Variants in KANK1 observed in about 807,000 individuals in gnomAD.
The protein encoded by KANK1 is KN motif and ankyrin repeat domains 1.
Under a neutral mutation model 106.2 loss-of-function variants are expected in KANK1, and 109 were observed. That is an observed-to-expected ratio of 1.03 (90% CI 0.88 to 1.20). The LOEUF (loss-of-function observed/expected upper bound fraction) is 1.20. Ranked by LOEUF, KANK1 falls within the 50% of genes most tolerant of loss-of-function variation. The probability of loss-of-function intolerance (pLI) is 0.00; values close to 1 mark genes in which losing one functional copy is unlikely to be tolerated. For synonymous variants in KANK1, 873 were observed against 652.2 expected (o/e 1.34, Z -5.16); for missense variants, 2,399 against 1,710.7 (o/e 1.40, Z -7.10).
intron 1 of KANK1, among the ~76,000 whole-genome samples, chr9:536,592 G>A (rs562550656): frequency 6.6e-5 from 10 of 152,222 alleles, no homozygotes; most frequent in African/African-American, 2.4e-4. Flanking sequence ...CATTTCTTCT[G>A]GCTCCTCTTA....
Position 731,177 on chromosome 9 carries a change from T to G in KANK1, c.2916T>G (p.Ser972Arg). ...AGLYACTNNE[S>R]TLKSIMKKKD... ...TCACAGCATGTACAAACAATGAAAG[T>G]ACACTGAAGTCCATCATGAAGAAGA... is the stretch of plus-strand genomic sequence containing the variant. The change falls in exon 5 of 12, where the codon AGT becomes AGG. Residue 972 changes from serine (S) to arginine (R), a missense_variant. Physicochemically the swap from Ser to Arg is moderately radical, Grantham distance 110. Transcript: ENST00000382297. 1 of 1,608,024 alleles carries G rather than the reference T, an allele frequency of 6.2e-7. No individual in the cohort carries two copies. The highest frequency in any genetic ancestry group is 8.5e-7 in the Non-Finnish European group (1 of 1,175,038).
At chr9:605,965 A>G (rs1466329140) in intron 1 of KANK1, among the ~76,000 whole-genome samples, 4 of 151,736 alleles carry the variant, frequency 2.6e-5, no homozygotes, top group African/African-American at 9.7e-5. Flanking sequence ...CTCCCTTCCC[A>G]TTAGAATAGG....
intron 1 of KANK1, among the ~76,000 whole-genome samples, chr9:539,321 C>A (rs1436721906): frequency 6.6e-6 from 1 of 152,194 alleles, no homozygotes; most frequent in African/African-American, 2.4e-5. Context: ...AGTATTAAAT[C>A]TGTAGGTCAC....
chr9:512,069 A>G (rs2132860652), intron 1 of KANK1, among the ~76,000 whole-genome samples: 1 of 152,218 alleles, frequency 6.6e-6, no homozygotes, highest in South Asian at 2.1e-4. Flanking sequence ...CTCAGCAATG[A>G]CTGTTGAGCA....
intron 1 of KANK1, among the ~76,000 whole-genome samples, chr9:581,688 G>C (rs1428073155): frequency 6.6e-6 from 1 of 152,122 alleles, no homozygotes; most frequent in Non-Finnish European, 1.5e-5. Flanking sequence ...ATTATTCTTG[G>C]ATTTCTTTCC....
At chr9:702,465 G>A (rs373710588) in intron 2 of KANK1, among the ~76,000 whole-genome samples, 5 of 152,142 alleles carry the variant, frequency 3.3e-5, no homozygotes, top group African/African-American at 7.2e-5. Flanking sequence ...ACAGTGCATG[G>A]TAAATAGTAA....
At chr9:596,763 A>G (rs2135719058) in intron 1 of KANK1, among the ~76,000 whole-genome samples, 1 of 151,872 alleles carries the variant, frequency 6.6e-6, no homozygotes, top group East Asian at 1.9e-4. Flanking sequence ...ATAATATAAC[A>G]ATAGGCAGTT....
intron 3 of KANK1, among the ~76,000 whole-genome samples, chr9:479,834 G>T (rs2058171878): frequency 6.6e-6 from 1 of 152,074 alleles, no homozygotes; most frequent in Non-Finnish European, 1.5e-5. Flanking sequence ...GTTTTCAGAA[G>T]CCAATATTCT....
chr9:589,385 C>T (rs559533892), intron 1 of KANK1, among the ~76,000 whole-genome samples: 2 of 152,158 alleles, frequency 1.3e-5, no homozygotes, highest in Admixed American at 1.3e-4. Context: ...TAAGGAGGTG[C>T]AGGTGTAGAT....
At chr9:515,921 C>T (rs950025263) in intron 1 of KANK1, among the ~76,000 whole-genome samples, 1 of 151,772 alleles carries the variant, frequency 6.6e-6, no homozygotes, top group Admixed American at 6.6e-5. Flanking sequence ...TTCCTGTTGA[C>T]ATTTTGAGAT....
chr9:743,021 G>A (rs529649209), intron 10 of KANK1, among the ~76,000 whole-genome samples: 79 of 152,254 alleles, frequency 5.2e-4, no homozygotes, highest in African/African-American at 1.9e-3. Flanking sequence ...TCCTTGACCG[G>A]GAAACTCAAC....
In KANK1 at chr9:712,411, A is replaced by C; in HGVS notation, c.1645A>C (p.Ile549Leu). The stretch of plus-strand genomic sequence containing the variant: ...CTCCGTGGAAACAAACAGTGTAGGC[A>C]TCTCCTGCCAGCCTGAATGTAAGAA... The part of the protein sequence containing the change: ...GTSVETNSVG[I>L]SCQPECKNKV... The change falls in exon 3 of 12, where the codon ATC becomes CTC. Residue 549 changes from isoleucine to leucine, a missense_variant. Physicochemically the swap from Ile to Leu is conservative, Grantham distance 5. Coordinates refer to ENST00000382297, the MANE Select transcript of KANK1 (RefSeq NM_015158.5). 6.2e-7 allele frequency: 1 copy of C among 1,614,164 alleles called. No homozygotes were observed. The highest frequency in any genetic ancestry group is 8.5e-7 in the Non-Finnish European group (1 of 1,180,034).
Position 665,689 on chromosome 9 carries a change from A to G in KANK1, c.-83-11201A>G, listed in dbSNP as rs1052948912. Among the ~76,000 whole-genome samples, 31 of 152,272 alleles carry G rather than the reference A, an allele frequency of 2.0e-4. 1 individual carries two copies. Among genetic ancestry groups the G allele is most frequent in the African/African-American group, 7.0e-4 (29 of 41,536 alleles). On this transcript the variant is annotated intron_variant, in intron 1 of 11. Transcript: ENST00000382297. ...ATTTAGGATTGTCTGCTCTGTTTCT[A>G]TGGGGAATATTGTTGGTATTTTGAT...
intron 1 of KANK1, among the ~76,000 whole-genome samples, chr9:619,240 A>G (rs1832583940): frequency 1.3e-5 from 2 of 152,182 alleles, no homozygotes; most frequent in Admixed American, 6.5e-5. Flanking sequence ...TTTGTGCCTC[A>G]AGAATAGTTT....
rs1286775003 is a variant in KANK1, at chr9:713,141, C to G, written c.2375C>G (p.Ala792Gly). The G allele has an allele frequency of 1.3e-6, 2 of 1,596,532 alleles. No individual in the cohort carries two copies. Among genetic ancestry groups the G allele is most frequent in the Middle Eastern group, 1.7e-4 (1 of 5,958 alleles). ...CCACAGTTGACTGTGGGGCTGACAG[C>G]CAGCAGAAGGAGCGTGGGGGTTGGG... Reference protein sequence around the residue: ...GPPQLTVGLTASRRSVGVGDD... With the variant: ...GPPQLTVGLTGSRRSVGVGDD... The change falls in exon 3 of 12, where the codon GCC becomes GGC. Residue 792 changes from alanine to glycine, a missense_variant. Ala to Gly is a moderately conservative substitution (Grantham distance 60, BLOSUM62 0). Coordinates refer to ENST00000382297, the MANE Select transcript of KANK1 (RefSeq NM_015158.5).
chr9:737,436 G>T (rs10739127), intron 7 of KANK1, among the ~76,000 whole-genome samples: 42,944 of 152,036 alleles, frequency 0.28, 6,746 homozygotes, highest in Non-Finnish European at 0.37. Flanking sequence ...CAGCAGAAAT[G>T]AATATTAAAC....
intron 8 of KANK1, among the ~76,000 whole-genome samples, chr9:740,323 CAG>C (rs1336489408): frequency 6.6e-6 from 1 of 152,122 alleles, no homozygotes; most frequent in Non-Finnish European, 1.5e-5. Context: ...GTAGTAAATT[CAG>C]AGTCTCAGAA....
intron 1 of KANK1, among the ~76,000 whole-genome samples, chr9:627,698 T>A (rs1488151852): frequency 6.6e-6 from 1 of 152,212 alleles, no homozygotes; most frequent in Non-Finnish European, 1.5e-5. Context: ...GGTATGAGTT[T>A]CAGGGGGACC....
At chr9:545,257 A>C (rs1338765314) in intron 1 of KANK1, among the ~76,000 whole-genome samples, 1 of 152,160 alleles carries the variant, frequency 6.6e-6, no homozygotes, top group Admixed American at 6.5e-5. Flanking sequence ...CTACTCAGTG[A>C]AAGGAAGCCT....
Sources: allele counts gnomAD v4.1 joint callset (sites outside exome capture counted in the v4.1 genomes callset), GRCh38; gene constraint gnomAD v4.1.1; transcripts MANE v1.5; gene names NCBI Gene and HGNC (gene_info 2026-07-23, HGNC 2026-07-21).